The following ADAM22 variants were observed in gnomAD, a reference collection of about 807,000 sequenced individuals.
The protein encoded by ADAM22 is ADAM metallopeptidase domain 22.
In ADAM22, 65 loss-of-function variants were observed where a neutral mutation model predicts 144.6. That is an observed-to-expected ratio of 0.45 (90% CI 0.37 to 0.55). The LOEUF (loss-of-function observed/expected upper bound fraction) is 0.55. Among genes scored for constraint, ADAM22 ranks in the 20% least tolerant of loss-of-function variants. The pLI is 0.00. For missense variants in ADAM22, 974 were observed against 1,184.9 expected (o/e 0.82, Z 2.61); for synonymous variants, 391 against 412.6 (o/e 0.95, Z 0.63).
chr7:88,115,500 C>T (rs2129490010), intron 6 of ADAM22, among the ~76,000 whole-genome samples: 1 of 152,256 alleles, frequency 6.6e-6, no homozygotes, highest in East Asian at 1.9e-4. Flanking sequence ...TGGCTGCCTT[C>T]TCACTGTGTT....
intron 4 of ADAM22, among the ~76,000 whole-genome samples, chr7:88,078,011 G>A (rs538827948): frequency 6.6e-4 from 100 of 152,290 alleles, no homozygotes; most frequent in Non-Finnish European, 1.2e-3. Flanking sequence ...CTCCTAGCAC[G>A]CAGCTTAAGA....
At chr7:88,131,744 T>A in intron 11 of ADAM22, 1 of 334,860 alleles carries the variant, frequency 3.0e-6, no homozygotes, top group African/African-American at 2.1e-5. Context: ...TTATATTCTT[T>A]AAAGTTACTG....
At chr7:88,115,022 G>A (rs1827393065) in intron 6 of ADAM22, among the ~76,000 whole-genome samples, 1 of 152,096 alleles carries the variant, frequency 6.6e-6, no homozygotes, top group African/African-American at 2.4e-5. Flanking sequence ...GGAGGCAGAG[G>A]TGGGCATGAG....
rs1850972935 is a variant in ADAM22 at position 88,199,241 on chromosome 7, A to G, written c.*2750A>G. 1 of 152,200 alleles carries G rather than the reference A, an allele frequency of 6.6e-6. No homozygotes were observed. Among genetic ancestry groups the G allele is most frequent in the South Asian group, 2.1e-4 (1 of 4,834 alleles). 9.4% of individuals were successfully genotyped at this position (152,200 alleles called of 1,614,324 possible). On this transcript the variant is annotated 3_prime_UTR_variant, in exon 32 of 32. Transcript: ENST00000413139. ...ATGCAACTAATATTTATATTTCCCAATCCACTACAAAATCATTGCTAAGCA... is the reference window on the plus strand; with the variant it reads ...ATGCAACTAATATTTATATTTCCCAGTCCACTACAAAATCATTGCTAAGCA...
intron 4 of ADAM22, among the ~76,000 whole-genome samples, chr7:88,077,345 G>C (rs138358046): frequency 2.5e-3 from 378 of 152,258 alleles, no homozygotes; most frequent in African/African-American, 8.7e-3. Flanking sequence ...GAAGTGAAAA[G>C]AATGCTATAA....
rs1464781946 is a variant in ADAM22, at chr7:88,199,084, A to G, written c.*2593A>G. 1 of 152,208 alleles carries G rather than the reference A, an allele frequency of 6.6e-6. No individual in the cohort carries two copies. The highest frequency in any genetic ancestry group is 1.5e-5 in the Non-Finnish European group (1 of 68,044). The allele number at this position is 152,208 out of a possible 1,614,324, so 9.4% of individuals were successfully genotyped here. A position where few individuals can be genotyped will look rare whatever the true frequency, so the allele number is the denominator to read the frequency against. ...TGTATACTCATGGTTGGGGTTCTAG[A>G]GGCATTACATCTAAATATTTATGAC... is the stretch of plus-strand genomic sequence containing the variant. On this transcript the variant is annotated 3_prime_UTR_variant, in exon 32 of 32. Coordinates refer to ENST00000413139, the MANE Select transcript of ADAM22 (RefSeq NM_001324418.2).
intron 4 of ADAM22, among the ~76,000 whole-genome samples, chr7:88,088,928 G>A (rs537694450): frequency 7.3e-5 from 11 of 151,342 alleles, no homozygotes; most frequent in African/African-American, 2.7e-4. Context: ...ATAGGTTATA[G>A]TTTAGTGACT....
chr7:87,951,970 G>C (rs1024210721), intron 2 of ADAM22, among the ~76,000 whole-genome samples: 7 of 148,354 alleles, frequency 4.7e-5, no homozygotes, highest in Admixed American at 1.3e-4. Context: ...AAGAATGCTT[G>C]TGATTTTTGT....
At chr7:87,953,956 G>T (rs1332018286) in intron 2 of ADAM22, among the ~76,000 whole-genome samples, 2 of 152,174 alleles carry the variant, frequency 1.3e-5, no homozygotes, top group South Asian at 4.2e-4. Context: ...CAGAGACTAG[G>T]ATTGCAACCC....
At chr7:88,155,431 G>A (rs1338612625) in intron 21 of ADAM22, among the ~76,000 whole-genome samples, 1 of 151,436 alleles carries the variant, frequency 6.6e-6, no homozygotes, top group Non-Finnish European at 1.5e-5. Flanking sequence ...GCTGAGGCAG[G>A]AGGACCACTG....
At chr7:88,039,571 T>A (rs1014541803) in intron 3 of ADAM22, among the ~76,000 whole-genome samples, 4 of 148,360 alleles carry the variant, frequency 2.7e-5, no homozygotes, top group Non-Finnish European at 6.0e-5. Flanking sequence ...CAGGGACAGA[T>A]AATATAATTA....
intron 3 of ADAM22, among the ~76,000 whole-genome samples, chr7:88,003,781 A>G (rs1413043257): frequency 2.0e-5 from 3 of 152,214 alleles, no homozygotes; most frequent in African/African-American, 7.2e-5. Flanking sequence ...GTTCCTAAAA[A>G]AAGTTTCTAA....
chr7:87,996,223 T>A (rs1791192310), intron 3 of ADAM22, among the ~76,000 whole-genome samples: 1 of 152,182 alleles, frequency 6.6e-6, no homozygotes, highest in African/African-American at 2.4e-5. Context: ...GTTGGCTGGT[T>A]AATGTACTGT....
At chr7:88,012,068 T>G (rs900396684) in intron 3 of ADAM22, among the ~76,000 whole-genome samples, 3 of 151,608 alleles carry the variant, frequency 2.0e-5, no homozygotes, top group East Asian at 3.9e-4. Context: ...CATTTTAATC[T>G]GAGAAGTTTT....
chr7:87,971,769 G>A (rs1433919369), intron 2 of ADAM22, among the ~76,000 whole-genome samples: 1 of 152,116 alleles, frequency 6.6e-6, no homozygotes, highest in Non-Finnish European at 1.5e-5. Flanking sequence ...AACTAAAAAG[G>A]CAGGGTCTAA....
chr7:88,058,067 T>TG (rs1808774963), intron 3 of ADAM22, among the ~76,000 whole-genome samples: 2 of 152,216 alleles, frequency 1.3e-5, no homozygotes, highest in East Asian at 1.9e-4. Flanking sequence ...ATAGTGAGGG[T>TG]ATAATAAACT....
At chr7:88,184,375 G>GC in intron 29 of ADAM22, 2 of 434,198 alleles carry the variant, frequency 4.6e-6, no homozygotes, top group Non-Finnish European at 9.3e-6. Flanking sequence ...GGCTCTGACA[G>GC]CCCCCAGACA....
intron 8 of ADAM22, among the ~76,000 whole-genome samples, chr7:88,126,637 G>A (rs1192709121): frequency 6.6e-6 from 1 of 151,944 alleles, no homozygotes; most frequent in East Asian, 1.9e-4. Flanking sequence ...GGGACCGGAA[G>A]TTTTGCACAT....
chr7:88,129,301 T>C (rs1831174029), intron 9 of ADAM22, among the ~76,000 whole-genome samples: 1 of 152,078 alleles, frequency 6.6e-6, no homozygotes, highest in Admixed American at 6.6e-5. Context: ...AATTGTTCTA[T>C]GTAACCAAAG....
Sources: allele counts gnomAD v4.1 joint callset (sites outside exome capture counted in the v4.1 genomes callset), GRCh38; gene constraint gnomAD v4.1.1; transcripts MANE v1.5; gene names NCBI Gene and HGNC (gene_info 2026-07-23, HGNC 2026-07-21).